PDE4D: variants seen among roughly 807,000 people sequenced by gnomAD.
PDE4D encodes the protein phosphodiesterase 4D.
PDE4D carries 24 observed loss-of-function variants against 87.4 expected under a neutral mutation model. The ratio of observed to expected loss-of-function variants is 0.27; its 90% confidence interval spans 0.20 to 0.39. The LOEUF (loss-of-function observed/expected upper bound fraction) is 0.39, where lower values mean the gene tolerates loss of function less well. PDE4D is among the 10% of genes least tolerant of loss of function. PDE4D has a pLI of 1.00. For missense variants in PDE4D, 714 were observed against 1,041.0 expected (o/e 0.69, Z 4.32); for synonymous variants, 384 against 383.2 (o/e 1.00, Z -0.02).
chr5:58,996,265 C>T (rs1342974226), intron 6 of PDE4D, among the ~76,000 whole-genome samples: 1 of 151,922 alleles, frequency 6.6e-6, no homozygotes, highest in Non-Finnish European at 1.5e-5. Flanking sequence ...CACATGTATA[C>T]CAGAACTTAA....
intron 1 of PDE4D, among the ~76,000 whole-genome samples, chr5:59,633,038 A>T (rs1189443580): frequency 1.3e-5 from 2 of 152,220 alleles, no homozygotes; most frequent in Non-Finnish European, 2.9e-5. Context: ...AGAGAAGAAC[A>T]TAAATAACCT....
Position 60,305,042 on chromosome 5 carries a change from C to T in PDE4D, c.-89-119355G>A, listed in dbSNP as rs993148366. 3.7e-4 allele frequency among the ~76,000 whole-genome samples: 48 copies of T among 129,726 alleles called. 1 individual carries two copies. Among genetic ancestry groups the T allele is most frequent in the African/African-American group, 1.1e-3 (42 of 38,194 alleles). 85.1% of individuals were successfully genotyped at this position (129,726 alleles called of 152,430 possible). A position where few individuals can be genotyped will look rare whatever the true frequency, so the allele number is the denominator to read the frequency against. ...AGTTATTTTAGTTTTGAGCTATACA[C>T]ACACACACACACACACACACACACA... On this transcript the variant is annotated intron_variant, in intron 1 of 16. Coordinates refer to the PDE4D transcript ENST00000502484.
At chr5:60,160,168 CT>C (rs1423909912) in intron 2 of PDE4D, among the ~76,000 whole-genome samples, 1 of 152,082 alleles carries the variant, frequency 6.6e-6, no homozygotes, top group Non-Finnish European at 1.5e-5. Flanking sequence ...ATAACATTTT[CT>C]TTTCTCTAGC....
intron 1 of PDE4D, among the ~76,000 whole-genome samples, chr5:60,480,842 CTAT>C (rs1301095378): frequency 6.6e-6 from 1 of 151,992 alleles, no homozygotes; most frequent in African/African-American, 2.4e-5. Context: ...ATGCAAGTGC[CTAT>C]TATTATTGTT....
At chr5:59,091,450 A>G (rs1261638672) in intron 5 of PDE4D, among the ~76,000 whole-genome samples, 1 of 152,122 alleles carries the variant, frequency 6.6e-6, no homozygotes, top group East Asian at 1.9e-4. Context: ...ATATATCATG[A>G]TATATATTAT....
chr5:59,314,157 C>A (rs1195259140), intron 1 of PDE4D: 10 of 152,092 alleles, frequency 6.6e-5, no homozygotes, highest in Non-Finnish European at 1.5e-4. Context: ...CCCCTCCAGG[C>A]TATGTATTTT....
intron 3 of PDE4D, among the ~76,000 whole-genome samples, chr5:59,929,236 A>G (rs1561872810): frequency 6.6e-6 from 1 of 152,206 alleles, no homozygotes; most frequent in East Asian, 1.9e-4. Flanking sequence ...CAAGAAAAGT[A>G]TAATATTGTA....
At chr5:59,954,909 T>C (rs1419670581) in intron 3 of PDE4D, among the ~76,000 whole-genome samples, 1 of 152,224 alleles carries the variant, frequency 6.6e-6, no homozygotes, top group Non-Finnish European at 1.5e-5. Context: ...ACATACCCTA[T>C]ATAATTTTTT....
intron 1 of PDE4D, among the ~76,000 whole-genome samples, chr5:59,278,885 C>T (rs776827388): frequency 2.6e-5 from 4 of 152,028 alleles, no homozygotes; most frequent in African/African-American, 4.8e-5. Context: ...GTAGATTGTG[C>T]GCACCTAAAA....
intron 1 of PDE4D, among the ~76,000 whole-genome samples, chr5:59,307,415 G>C (rs962932836): frequency 6.0e-4 from 91 of 151,744 alleles, no homozygotes; most frequent in African/African-American, 1.9e-3. Context: ...CCATCAGAGT[G>C]AACAGGCAAC....
At chr5:59,292,917 C>T (rs911050172) in intron 1 of PDE4D, among the ~76,000 whole-genome samples, 1 of 152,090 alleles carries the variant, frequency 6.6e-6, no homozygotes, top group Non-Finnish European at 1.5e-5. Context: ...AGATAGTGCC[C>T]TATTTCCTGT....
At chr5:59,511,954 A>C (rs1810351975) in intron 1 of PDE4D, among the ~76,000 whole-genome samples, 1 of 152,072 alleles carries the variant, frequency 6.6e-6, no homozygotes, top group South Asian at 2.1e-4. Context: ...AAAATGTGGT[A>C]ATTTGAGGTC....
At chr5:59,334,084 C>T (rs552711257) in intron 1 of PDE4D, among the ~76,000 whole-genome samples, 1 of 151,774 alleles carries the variant, frequency 6.6e-6, no homozygotes, top group East Asian at 1.9e-4. Flanking sequence ...ACTAAGTTTC[C>T]TCATAAAAGG....
intron 1 of PDE4D, among the ~76,000 whole-genome samples, chr5:59,367,769 G>A (rs1306955365): frequency 1.3e-5 from 2 of 152,218 alleles, no homozygotes; most frequent in Non-Finnish European, 1.5e-5. Flanking sequence ...CTGCCTTACA[G>A]AGCCTAAGAA....
At chr5:59,838,448 T>A (rs1182616137) in intron 1 of PDE4D, among the ~76,000 whole-genome samples, 2 of 152,094 alleles carry the variant, frequency 1.3e-5, no homozygotes, top group Non-Finnish European at 2.9e-5. Flanking sequence ...ACCAAGGTCA[T>A]CACTGACAGT....
chr5:59,932,253 T>C (rs1756047395), intron 3 of PDE4D, among the ~76,000 whole-genome samples: 1 of 152,188 alleles, frequency 6.6e-6, no homozygotes, highest in African/African-American at 2.4e-5. Context: ...CAACAGATAA[T>C]GTATTGAGCA....
intron 1 of PDE4D, among the ~76,000 whole-genome samples, chr5:59,723,436 A>G (rs1186696398): frequency 6.6e-6 from 1 of 152,188 alleles, no homozygotes; most frequent in Non-Finnish European, 1.5e-5. Context: ...AACAGAGTAA[A>G]TGCTCAAGAA....
Position 59,498,118 on chromosome 5 carries a change from A to G in PDE4D, c.456-282150T>C, listed in dbSNP as rs114043806. On this transcript the variant is annotated intron_variant, in intron 1 of 14. Transcript: ENST00000340635. ...GAAATAAATTCTTTCTCAGATAAGC[A>G]ATTGCTAAAAGAATCCATCACCACC... is the stretch of plus-strand genomic sequence containing the variant. Among the ~76,000 whole-genome samples, 1,054 of 152,028 alleles carry G rather than the reference A, an allele frequency of 6.9e-3. 13 individuals carry two copies. Among genetic ancestry groups the G allele is most frequent in the African/African-American group, 0.024 (990 of 41,486 alleles).
At chr5:59,099,752 T>C (rs1770412384) in intron 5 of PDE4D, among the ~76,000 whole-genome samples, 1 of 152,126 alleles carries the variant, frequency 6.6e-6, no homozygotes. Context: ...ACAAAGGAAG[T>C]TTGAATGTTT....
Sources: gnomAD v4.1 joint callset for allele counts (sites outside exome capture counted in the v4.1 genomes callset) on GRCh38, gnomAD v4.1.1 for gene constraint, MANE v1.5 for transcripts, NCBI Gene and HGNC (gene_info 2026-07-23, HGNC 2026-07-21) for gene names.